Variants in DCC observed in about 807,000 individuals in gnomAD.
The protein encoded by DCC is netrin receptor DCC.
DCC carries 58 observed loss-of-function variants against 172.5 expected under a neutral mutation model. The ratio of observed to expected loss-of-function variants is 0.34; its 90% CI spans 0.27 to 0.42. The LOEUF is 0.42. Among genes scored for constraint, DCC ranks in the 10% least tolerant of loss-of-function variants. The probability of loss-of-function intolerance (pLI) is 1.00; values close to 1 mark genes in which losing one functional copy is unlikely to be tolerated. For synonymous variants in DCC, 709 were observed against 644.5 expected, an observed-to-expected ratio of 1.10 and a Z score of -1.52; for missense variants, 1,740 against 1,791.0, an observed-to-expected ratio of 0.97 and a Z score of 0.51.
chr18:52,944,097 C>G (rs2040504133), intron 5 of DCC, among the ~76,000 whole-genome samples: 1 of 152,120 alleles, frequency 6.6e-6, no homozygotes, highest in South Asian at 2.1e-4. Context: ...AGTTTGACAA[C>G]TAACTTGGGT....
chr18:53,506,912 T>G (rs1288744249), intron 27 of DCC, among the ~76,000 whole-genome samples: 1 of 150,042 alleles, frequency 6.7e-6, no homozygotes, highest in African/African-American at 2.5e-5. Context: ...TCAGTCAGAG[T>G]CCTAAGGACT....
chr18:53,105,955 C>T (rs2043240472), intron 7 of DCC, among the ~76,000 whole-genome samples: 1 of 151,098 alleles, frequency 6.6e-6, no homozygotes, highest in Non-Finnish European at 1.5e-5. Context: ...CTCCCTGTGA[C>T]CCAAGATGAG....
intron 1 of DCC, among the ~76,000 whole-genome samples, chr18:52,474,059 T>TA (rs1989020089): frequency 6.6e-6 from 1 of 152,200 alleles, no homozygotes; most frequent in South Asian, 2.1e-4. Flanking sequence ...ATAATGCTGC[T>TA]AAAAACTGCA....
At chr18:52,802,526 G>A (rs770823180) in intron 2 of DCC, among the ~76,000 whole-genome samples, 1 of 149,724 alleles carries the variant, frequency 6.7e-6, no homozygotes, top group Admixed American at 6.7e-5. Context: ...CCAGGCTGCA[G>A]GGCAGTGGCA....
At chr18:52,576,787 G>A (rs192661641) in intron 1 of DCC, among the ~76,000 whole-genome samples, 22 of 146,498 alleles carry the variant, frequency 1.5e-4, no homozygotes, top group South Asian at 6.4e-4. Context: ...CTGAGATTGC[G>A]CCACTGCACT....
At chr18:52,688,222 G>C (rs1304190607) in intron 1 of DCC, among the ~76,000 whole-genome samples, 1 of 151,580 alleles carries the variant, frequency 6.6e-6, no homozygotes, top group Non-Finnish European at 1.5e-5. Flanking sequence ...TTACTGAAAA[G>C]TGTAGATGTG....
At chr18:53,037,775 A>T (rs1374244792) in intron 5 of DCC, among the ~76,000 whole-genome samples, 1 of 151,928 alleles carries the variant, frequency 6.6e-6, no homozygotes, top group Non-Finnish European at 1.5e-5. Context: ...AACGTGGAGG[A>T]TGTCACTCAG....
At chr18:53,309,002 A>G (rs950673110) in intron 13 of DCC, among the ~76,000 whole-genome samples, 2 of 151,698 alleles carry the variant, frequency 1.3e-5, no homozygotes, top group African/African-American at 4.8e-5. Context: ...CCATCTTTTT[A>G]TACTTTCCTC....
chr18:52,365,716 T>C (rs1984818528), intron 1 of DCC, among the ~76,000 whole-genome samples: 3 of 152,234 alleles, frequency 2.0e-5, no homozygotes, highest in Admixed American at 2.0e-4. Context: ...CTTACAGTAT[T>C]GCTACAGATC....
chr18:53,352,151 T>C (rs544091952), intron 15 of DCC, among the ~76,000 whole-genome samples: 7 of 152,042 alleles, frequency 4.6e-5, no homozygotes, highest in Non-Finnish European at 1.0e-4. Flanking sequence ...AAATTAAATA[T>C]CTTCAATTCA....
At chr18:52,555,557 T>C (rs1429811899) in intron 1 of DCC, among the ~76,000 whole-genome samples, 4 of 152,080 alleles carry the variant, frequency 2.6e-5, no homozygotes, top group Non-Finnish European at 5.9e-5. Flanking sequence ...GTTTTGCACA[T>C]CTATATTTCT....
chr18:53,403,292 TTTGTGTGTG>T, intron 19 of DCC, among the ~76,000 whole-genome samples: 1 of 53,832 alleles, frequency 1.9e-5, no homozygotes, highest in Non-Finnish European at 7.3e-5. Context: ...AATGACTGTG[TTTGTGTGTG>T]TTTGTGTGTA....
chr18:53,014,426 TCCCCC>T lies in DCC; in HGVS notation c.986-48877_986-48873del, dbSNP rs2041776914. Among the ~76,000 whole-genome samples the T allele has an allele frequency of 1.6e-3, 12 of 7,460 alleles. 1 individual carries two copies. In the South Asian group the frequency reaches 0.071, roughly 44 times the overall value. 4.9% of individuals were successfully genotyped at this position (7,460 alleles called of 152,430 possible). ...TAGGTATATCTCCTAATGTTATCCC[TCCCCC>T]CTCCCCCCTCCCCCCACCCCACAAC... On this transcript the variant is annotated intron_variant, in intron 5 of 28. Transcript: ENST00000442544.
intron 25 of DCC, among the ~76,000 whole-genome samples, chr18:53,476,646 T>C (rs1052955378): frequency 6.6e-6 from 1 of 152,196 alleles, no homozygotes; most frequent in Non-Finnish European, 1.5e-5. Flanking sequence ...GTCTTGGGTA[T>C]GTCTTTATCA....
chr18:53,210,943 C>T lies in DCC; in HGVS notation c.1861+3126C>T, dbSNP rs565143417. Among the ~76,000 whole-genome samples the T allele has an allele frequency of 5.3e-5, 8 of 151,700 alleles. No individual in the cohort carries two copies. In the South Asian group the frequency reaches 1.5e-3, roughly 28 times the overall value. ...CTCCACCTAGAAAACCACTGGTTTA[C>T]AATGAGCCATTTTTTTTTCACACCA... is the stretch of plus-strand genomic sequence containing the variant. On this transcript the variant is annotated intron_variant, in intron 11 of 28. Coordinates refer to ENST00000442544, the MANE Select transcript of DCC (RefSeq NM_005215.4).
intron 2 of DCC, among the ~76,000 whole-genome samples, chr18:52,899,704 C>T (rs2039783220): frequency 6.6e-6 from 1 of 151,726 alleles, no homozygotes; most frequent in African/African-American, 2.4e-5. Context: ...CTATCGTGAC[C>T]AAGTTGGTCT....
chr18:53,247,957 G>T (rs1313793330), intron 12 of DCC, among the ~76,000 whole-genome samples: 1 of 151,898 alleles, frequency 6.6e-6, no homozygotes, highest in Admixed American at 6.6e-5. Flanking sequence ...ACTTTCTCAA[G>T]TCCCATGACC....
chr18:53,254,916 T>G (rs2056485927), intron 12 of DCC, among the ~76,000 whole-genome samples: 1 of 152,062 alleles, frequency 6.6e-6, no homozygotes, highest in Non-Finnish European at 1.5e-5. Flanking sequence ...TTAACACACC[T>G]TAGGGACTAC....
intron 2 of DCC, among the ~76,000 whole-genome samples, chr18:52,875,376 A>T (rs1370492257): frequency 6.6e-6 from 1 of 152,144 alleles, no homozygotes; most frequent in Non-Finnish European, 1.5e-5. Context: ...ACTTGTCTTA[A>T]TTTTTACCAA....
Sources: gnomAD v4.1 joint callset for allele counts (sites outside exome capture counted in the v4.1 genomes callset) on GRCh38, gnomAD v4.1.1 for gene constraint, MANE v1.5 for transcripts, NCBI Gene and HGNC (gene_info 2026-07-23, HGNC 2026-07-21) for gene names.